RBFOX2: variants seen among roughly 807,000 people sequenced by gnomAD.
RBFOX2 encodes the protein RNA binding protein fox-1 homolog 2.
RBFOX2 carries 10 observed loss-of-function variants against 49.1 expected under a neutral mutation model. That is an observed-to-expected ratio of 0.20 (90% confidence interval 0.13 to 0.35). The LOEUF (loss-of-function observed/expected upper bound fraction) is 0.35. Ranked by LOEUF, RBFOX2 falls within the 10% of genes least tolerant of loss-of-function variation. The pLI, the probability that RBFOX2 is intolerant of heterozygous loss-of-function variation, is 1.00. For missense variants in RBFOX2, 323 were observed against 486.9 expected (o/e 0.66, Z 3.17); for synonymous variants, 183 against 187.4 (o/e 0.98, Z 0.19).
At chr22:35,821,919 AC>A (rs1309450729) in intron 1 of RBFOX2, 1 of 519,022 alleles carries the variant, frequency 1.9e-6, no homozygotes, top group East Asian at 5.4e-5. Flanking sequence ...ATGGGAGGAA[AC>A]CATAAACACC....
chr22:35,971,056 C>G (rs756229874), intron 1 of RBFOX2, among the ~76,000 whole-genome samples: 1 of 152,076 alleles, frequency 6.6e-6, no homozygotes, highest in Non-Finnish European at 1.5e-5. Flanking sequence ...ATTCATAGTG[C>G]CTGCAGCTGA....
intron 9 of RBFOX2, chr22:35,747,148 G>A (rs1404017565): frequency 2.6e-5 from 4 of 152,306 alleles, no homozygotes; most frequent in Admixed American, 2.6e-4. Context: ...TCTGGCCTGT[G>A]AGCCAATGCA....
chr22:35,811,622 G>A (rs932701583), intron 1 of RBFOX2, among the ~76,000 whole-genome samples: 1 of 152,124 alleles, frequency 6.6e-6, no homozygotes, highest in Non-Finnish European at 1.5e-5. Flanking sequence ...TGAAGATTCT[G>A]TAACAGAAAT....
At chr22:35,990,434 G>A (rs1031779521) in intron 1 of RBFOX2, among the ~76,000 whole-genome samples, 3 of 152,160 alleles carry the variant, frequency 2.0e-5, no homozygotes, top group Non-Finnish European at 4.4e-5. Context: ...AATACAGAGA[G>A]GGCCAATGCA....
chr22:35,985,058 T>C (rs1175977000), intron 1 of RBFOX2, among the ~76,000 whole-genome samples: 1 of 152,146 alleles, frequency 6.6e-6, no homozygotes, highest in Non-Finnish European at 1.5e-5. Flanking sequence ...CAACATAATG[T>C]GACACAGTAA....
intron 1 of RBFOX2, among the ~76,000 whole-genome samples, chr22:35,972,142 A>C (rs1420726573): frequency 6.6e-6 from 1 of 151,770 alleles, no homozygotes; most frequent in Non-Finnish European, 1.5e-5. Flanking sequence ...AACCCCCCAA[A>C]CAGTATAGTC....
intron 4 of RBFOX2, among the ~76,000 whole-genome samples, chr22:35,771,569 A>G (rs1444625495): frequency 1.3e-5 from 2 of 152,210 alleles, no homozygotes; most frequent in African/African-American, 4.8e-5. Context: ...GTCATAGGGA[A>G]TTAATACATA....
chr22:35,877,543 A>C (rs1436650430), intron 1 of RBFOX2, among the ~76,000 whole-genome samples: 1 of 152,192 alleles, frequency 6.6e-6, no homozygotes, highest in Non-Finnish European at 1.5e-5. Context: ...ATCATAACTA[A>C]CATATACTGA....
At chr22:35,770,304 A>T (rs772099645) in intron 4 of RBFOX2, among the ~76,000 whole-genome samples, 3 of 152,184 alleles carry the variant, frequency 2.0e-5, no homozygotes, top group Non-Finnish European at 4.4e-5. Flanking sequence ...CCTTACAGTC[A>T]TATATTTTAT....
At chr22:35,901,137 G>A (rs2048520868) in intron 1 of RBFOX2, among the ~76,000 whole-genome samples, 1 of 152,116 alleles carries the variant, frequency 6.6e-6, no homozygotes, top group Admixed American at 6.5e-5. Flanking sequence ...AAAGGAAATT[G>A]AGGCCCAAAG....
intron 1 of RBFOX2, among the ~76,000 whole-genome samples, chr22:35,813,908 G>C (rs561829978): frequency 6.6e-6 from 1 of 152,332 alleles, no homozygotes; most frequent in African/African-American, 2.4e-5. Context: ...GCAGGGATGG[G>C]AAAGTAGAAG....
At chr22:36,001,781 G>A (rs1049147367) in intron 1 of RBFOX2, among the ~76,000 whole-genome samples, 9 of 151,466 alleles carry the variant, frequency 5.9e-5, no homozygotes, top group East Asian at 3.9e-4. Context: ...AAAACAGGCC[G>A]GGCCAGACGT....
intron 1 of RBFOX2, among the ~76,000 whole-genome samples, chr22:35,882,018 G>T (rs148163481): frequency 1.3e-5 from 2 of 151,230 alleles, no homozygotes; most frequent in East Asian, 1.9e-4. Context: ...GAAAAGAAAA[G>T]AAAACTTAAT....
At chr22:35,817,116 C>G (rs982595692) in intron 1 of RBFOX2, among the ~76,000 whole-genome samples, 1 of 152,084 alleles carries the variant, frequency 6.6e-6, no homozygotes. Flanking sequence ...ATTATGGTTA[C>G]AGCATGCCTC....
chr22:35,844,502 C>CT (rs888479321), upstream of RBFOX2, among the ~76,000 whole-genome samples: 16 of 148,742 alleles, frequency 1.1e-4, no homozygotes, highest in South Asian at 6.4e-4. Flanking sequence ...ATTTACTTCA[C>CT]TTTTTTTTTT....
At chr22:35,840,667 GAGGT>G, upstream of RBFOX2, 6 of 1,003,608 alleles carry the variant, frequency 6.0e-6, no homozygotes, top group African/African-American at 1.8e-5. Context: ...TAGGGGGGAG[GAGGT>G]AGGGAGGGGC....
chr22:35,943,694 T>A (rs2053945139), upstream of RBFOX2, among the ~76,000 whole-genome samples: 1 of 152,072 alleles, frequency 6.6e-6, no homozygotes, highest in Admixed American at 6.6e-5. Context: ...ATCAGGAGAT[T>A]GAGACCATCG....
intron 2 of RBFOX2, among the ~76,000 whole-genome samples, chr22:35,802,649 G>T (rs1290385353): frequency 2.6e-5 from 4 of 152,174 alleles, no homozygotes; most frequent in Non-Finnish European, 5.9e-5. Context: ...AGCTCTGACA[G>T]CTAAAAGGGG....
At chr22:35,878,039 T>TACACACACACACAC (rs58181557) in intron 1 of RBFOX2, among the ~76,000 whole-genome samples, 4 of 141,178 alleles carry the variant, frequency 2.8e-5, no homozygotes, top group Non-Finnish European at 6.2e-5. Flanking sequence ...CTACTACTAC[T>TACACACACACACAC]ACACACACAC....
Sources: allele counts gnomAD v4.1 joint callset (sites outside exome capture counted in the v4.1 genomes callset), GRCh38; gene constraint gnomAD v4.1.1; transcripts MANE v1.5; gene names NCBI Gene and HGNC (gene_info 2026-07-23, HGNC 2026-07-21).